Variants in MACROD2 observed in about 807,000 individuals in gnomAD.
MACROD2 encodes ADP-ribose glycohydrolase MACROD2.
MACROD2 carries 36 observed loss-of-function variants against 70.4 expected under a neutral mutation model. The ratio of observed to expected loss-of-function variants is 0.51; its 90% CI spans 0.39 to 0.68. The LOEUF is 0.68. MACROD2 is among the 30% of genes least tolerant of loss of function. MACROD2 has a pLI of 0.00. For synonymous variants in MACROD2, 172 were observed against 178.8 expected (o/e 0.96, Z 0.30); for missense variants, 496 against 538.4 (o/e 0.92, Z 0.78).
chr20:14,560,430 A>G (rs1407855535), intron 4 of MACROD2, among the ~76,000 whole-genome samples: 1 of 151,774 alleles, frequency 6.6e-6, no homozygotes, highest in Non-Finnish European at 1.5e-5. Flanking sequence ...TACAGACATC[A>G]TTCTGTGGCT....
intron 5 of MACROD2, among the ~76,000 whole-genome samples, chr20:14,869,893 C>T (rs1005456246): frequency 5.3e-5 from 8 of 152,062 alleles, no homozygotes; most frequent in Admixed American, 1.3e-4. Flanking sequence ...GCTGGGAAGA[C>T]GGCAGTAACT....
intron 5 of MACROD2, among the ~76,000 whole-genome samples, chr20:15,152,491 G>C (rs1165143461): frequency 6.6e-6 from 1 of 151,576 alleles, no homozygotes; most frequent in African/African-American, 2.4e-5. Flanking sequence ...AGAGATAAGA[G>C]GTTAGGGCAT....
chr20:14,554,406 C>CAAT (rs1978882774), intron 4 of MACROD2: 1 of 152,112 alleles, frequency 6.6e-6, no homozygotes, highest in Admixed American at 6.6e-5. Flanking sequence ...AGCGATTTGC[C>CAAT]AGGGCTGTGC....
intron 4 of MACROD2, among the ~76,000 whole-genome samples, chr20:14,629,373 C>T (rs1984375985): frequency 6.6e-6 from 1 of 152,140 alleles, no homozygotes; most frequent in South Asian, 2.1e-4. Context: ...CAAAATACAA[C>T]ACACAGTCTC....
At chr20:15,431,910 A>G (rs1269373142) in intron 7 of MACROD2, among the ~76,000 whole-genome samples, 1 of 150,188 alleles carries the variant, frequency 6.7e-6, no homozygotes, top group Non-Finnish European at 1.5e-5. Flanking sequence ...AAGAATTTTA[A>G]TAAACTGCAA....
intron 8 of MACROD2, among the ~76,000 whole-genome samples, chr20:15,671,018 G>C (rs2049973017): frequency 6.6e-6 from 1 of 152,206 alleles, no homozygotes; most frequent in South Asian, 2.1e-4. Context: ...ACTTAAAACA[G>C]TAACAATTTA....
chr20:15,090,346 T>G (rs1165221249), intron 5 of MACROD2, among the ~76,000 whole-genome samples: 1 of 152,124 alleles, frequency 6.6e-6, no homozygotes, highest in Non-Finnish European at 1.5e-5. Context: ...ACACTCTTGT[T>G]TGATATAATT....
At chr20:14,104,874 T>A (rs781648489) in intron 3 of MACROD2, among the ~76,000 whole-genome samples, 1 of 152,186 alleles carries the variant, frequency 6.6e-6, no homozygotes, top group African/African-American at 2.4e-5. Context: ...TTATTCTACC[T>A]GTGGTTAACA....
chr20:14,005,417 A>G (rs1050710804), intron 2 of MACROD2, among the ~76,000 whole-genome samples: 2 of 152,282 alleles, frequency 1.3e-5, no homozygotes, highest in African/African-American at 4.8e-5. Context: ...TGTGTTACCA[A>G]TTATGTAATA....
chr20:15,034,295 G>C (rs567231867), intron 5 of MACROD2, among the ~76,000 whole-genome samples: 1 of 152,204 alleles, frequency 6.6e-6, no homozygotes, highest in Non-Finnish European at 1.5e-5. Context: ...CTGCACAAGA[G>C]TGTATGGTAT....
chr20:14,376,930 ATACTAAAT>A (rs1600176397), intron 3 of MACROD2, among the ~76,000 whole-genome samples: 1 of 152,184 alleles, frequency 6.6e-6, no homozygotes, highest in East Asian at 1.9e-4. Flanking sequence ...AATAATATTA[ATACTAAAT>A]TTGAAAGATT....
intron 3 of MACROD2, among the ~76,000 whole-genome samples, chr20:14,255,149 T>C (rs2082043365): frequency 6.6e-6 from 1 of 152,092 alleles, no homozygotes; most frequent in South Asian, 2.1e-4. Flanking sequence ...AACCCGACCT[T>C]TCTCTCTGGC....
intron 8 of MACROD2, among the ~76,000 whole-genome samples, chr20:15,655,243 C>T (rs1256744796): frequency 6.6e-6 from 1 of 151,602 alleles, no homozygotes; most frequent in African/African-American, 2.4e-5. Context: ...TAGAAAATTA[C>T]CTTGGTATGT....
chr20:15,693,675 G>A (rs2146882090), intron 8 of MACROD2, among the ~76,000 whole-genome samples: 1 of 152,140 alleles, frequency 6.6e-6, no homozygotes, highest in African/African-American at 2.4e-5. Context: ...TTTCCTACAG[G>A]TCATGTTGTC....
chr20:14,957,155 T>C (rs2074544527), intron 5 of MACROD2, among the ~76,000 whole-genome samples: 1 of 152,166 alleles, frequency 6.6e-6, no homozygotes, highest in Non-Finnish European at 1.5e-5. Flanking sequence ...TTAATTTAGC[T>C]TTTTTAATGT....
chr20:14,673,809 A>T (rs1449586341), intron 4 of MACROD2, among the ~76,000 whole-genome samples: 1 of 151,186 alleles, frequency 6.6e-6, no homozygotes, highest in Non-Finnish European at 1.5e-5. Context: ...AATCTCAGCT[A>T]CTCGGGAGGC....
chr20:15,720,480 G>A (rs993605622), intron 8 of MACROD2, among the ~76,000 whole-genome samples: 1 of 152,070 alleles, frequency 6.6e-6, no homozygotes, highest in East Asian at 1.9e-4. Context: ...ATCACAAATT[G>A]CCCTAACCCA....
chr20:15,365,660 C>CA (rs34038906), intron 6 of MACROD2, among the ~76,000 whole-genome samples: 1,384 of 111,712 alleles, frequency 0.012, 6 homozygotes, highest in Non-Finnish European at 0.017. Context: ...GGCTCTGTCT[C>CA]AAAAAAAAAA....
intron 10 of MACROD2, among the ~76,000 whole-genome samples, chr20:15,919,745 A>G (rs1187715221): frequency 6.6e-6 from 1 of 152,094 alleles, no homozygotes; most frequent in Non-Finnish European, 1.5e-5. Flanking sequence ...AAAAAGAAGA[A>G]GGGAAAAAAA....
Sources: allele counts gnomAD v4.1 joint callset (sites outside exome capture counted in the v4.1 genomes callset), GRCh38; gene constraint gnomAD v4.1.1; transcripts MANE v1.5; gene names NCBI Gene and HGNC (gene_info 2026-07-23, HGNC 2026-07-21).